The following SRSF1 variants were observed in gnomAD, a reference collection of about 807,000 sequenced individuals.
SRSF1 encodes the protein serine and arginine rich splicing factor 1.
SRSF1 carries 1 observed loss-of-function variant against 25.9 expected under a neutral mutation model. That is an observed-to-expected ratio of 0.04 (90% confidence interval 0.01 to 0.18). The LOEUF is 0.18. SRSF1 is among the 10% of genes least tolerant of loss of function. The pLI is 1.00. For synonymous variants in SRSF1, 132 were observed against 126.2 expected, an observed-to-expected ratio of 1.05 and a Z score of -0.31; for missense variants, 65 against 350.5, an observed-to-expected ratio of 0.19 and a Z score of 6.50.
chr17:57,991,005 G>C, the SRSF1 span: 48 of 152,282 alleles, frequency 3.2e-4, no homozygotes, highest in African/African-American at 1.1e-3. Flanking sequence ...ATATATAACA[G>C]ATGTGAAATA....
chr17:57,989,397 C>A, the SRSF1 span: 3 of 397,952 alleles, frequency 7.5e-6, no homozygotes, highest in Non-Finnish European at 8.8e-6. Context: ...AGAAAAAATT[C>A]TTCAGATGGA....
downstream of SRSF1, among the ~76,000 whole-genome samples, chr17:57,998,242 T>C (rs1226136357): frequency 6.6e-6 from 1 of 152,094 alleles, no homozygotes; most frequent in Non-Finnish European, 1.5e-5. Flanking sequence ...TGAATGTCAC[T>C]CTTGGTGTTA....
At position 58,003,837 on chromosome 17, in the gene SRSF1, G is replaced by A. The variant is rs560049755; in HGVS notation, c.*1569C>T. On this transcript the variant is annotated 3_prime_UTR_variant, in exon 4 of 4. Transcript: ENST00000258962. The stretch of plus-strand genomic sequence containing the variant: ...TTAAGTTGAATAAAAAAATCCACAC[G>A]AATGCGGTTTGGTTGGGGCAGGAAT... 1 of 152,546 alleles carries A rather than the reference G, an allele frequency of 6.6e-6. No individual in the cohort carries two copies. The highest frequency in any genetic ancestry group is 1.9e-4 in the East Asian group (1 of 5,188). 9.4% of individuals were successfully genotyped at this position (152,546 alleles called of 1,614,324 possible).
the SRSF1 span, chr17:57,989,076 G>A: frequency 2.5e-6 from 1 of 397,042 alleles, no homozygotes. Context: ...AGTACAGTCT[G>A]TTTCCTCCTT....
chr17:57,989,799 A>G, the SRSF1 span: 1 of 398,702 alleles, frequency 2.5e-6, no homozygotes, highest in Non-Finnish European at 4.4e-6. Flanking sequence ...CGGTCAGCCT[A>G]AGATAGGAGG....
chr17:57,990,299 C>CT, the SRSF1 span: 1 of 152,136 alleles, frequency 6.6e-6, no homozygotes, highest in Non-Finnish European at 1.5e-5. Context: ...TACTGAAAAG[C>CT]TAAGATTCAG....
downstream of SRSF1, among the ~76,000 whole-genome samples, chr17:57,996,722 C>G (rs1461152333): frequency 3.3e-5 from 5 of 152,074 alleles, no homozygotes; most frequent in African/African-American, 1.2e-4. Flanking sequence ...AATGGGGCTG[C>G]TTATGGGATT....
At chr17:57,989,831 T>C in the SRSF1 span, 5 of 398,362 alleles carry the variant, frequency 1.3e-5, no homozygotes, top group Non-Finnish European at 2.2e-5. Flanking sequence ...GATGAAAGAG[T>C]TTCTGATACA....
the SRSF1 span, chr17:57,989,334 A>G: frequency 2.5e-6 from 1 of 398,662 alleles, no homozygotes; most frequent in East Asian, 3.6e-5. Flanking sequence ...CTCCTGTGGC[A>G]GGGAAATGAG....
rs568074495 is a variant in SRSF1, at chr17:58,001,173, G to C, written c.*4233C>G. ...ATTACAAAATTCATATACAAAGTAAGCAAAAAGGCACACATAAGAAATCCA... is the reference window on the plus strand; with the variant it reads ...ATTACAAAATTCATATACAAAGTAACCAAAAAGGCACACATAAGAAATCCA... On this transcript the variant is annotated 3_prime_UTR_variant, in exon 4 of 4. Coordinates refer to ENST00000258962, the MANE Select transcript of SRSF1 (RefSeq NM_006924.5). Among the ~76,000 whole-genome samples, 88 of 151,942 alleles carry C rather than the reference G, an allele frequency of 5.8e-4. 4 individuals are homozygous for C. In the South Asian group the frequency reaches 0.017, roughly 30 times the overall value.
At chr17:57,995,583 A>G in the SRSF1 span, among the ~76,000 whole-genome samples, 1 of 152,242 alleles carries the variant, frequency 6.6e-6, no homozygotes, top group Non-Finnish European at 1.5e-5. Flanking sequence ...ACACAGGGTA[A>G]GAACATGGAT....
the SRSF1 span, among the ~76,000 whole-genome samples, chr17:57,995,750 G>C: frequency 1.3e-5 from 2 of 152,210 alleles, no homozygotes; most frequent in African/African-American, 4.8e-5. Context: ...CTCACCACAA[G>C]ATCTGGATTC....
chr17:58,002,124 CATA>C lies in SRSF1; in HGVS notation c.*3279_*3281del, dbSNP rs1408987049. Reference sequence around the variant, plus strand: ...TGATGAATTTTTAAAATGTTCTACACATAAAACTTCTTAGAATTTCAAGAATGT... The same window carrying C: ...TGATGAATTTTTAAAATGTTCTACACAAACTTCTTAGAATTTCAAGAATGT... On this transcript the variant is annotated 3_prime_UTR_variant, in exon 4 of 4. Coordinates refer to ENST00000258962, the MANE Select transcript of SRSF1 (RefSeq NM_006924.5). Among the ~76,000 whole-genome samples the C allele has an allele frequency of 6.6e-6, 1 of 152,160 alleles. No homozygotes were observed. Among genetic ancestry groups the C allele is most frequent in the Admixed American group, 6.5e-5 (1 of 15,282 alleles).
At chr17:57,994,240 A>G in the SRSF1 span, 5 of 152,372 alleles carry the variant, frequency 3.3e-5, no homozygotes, top group African/African-American at 1.2e-4. Flanking sequence ...CCTCCTACAT[A>G]GCACATCTAG....
rs540638553 is a variant in SRSF1 at position 58,002,469 on chromosome 17, G to A, written c.*2937C>T. Among the ~76,000 whole-genome samples, 12 of 152,236 alleles carry A rather than the reference G, an allele frequency of 7.9e-5. No individual in the cohort carries two copies. Among genetic ancestry groups the A allele is most frequent in the African/African-American group, 2.9e-4 (12 of 41,536 alleles). ...GAAATGTTAAAGTCTATTTATTTTA[G>A]GTCCCCTCCCCCAACCTAAATAGTA... On this transcript the variant is annotated 3_prime_UTR_variant, in exon 4 of 4. Coordinates refer to ENST00000258962, the MANE Select transcript of SRSF1 (RefSeq NM_006924.5).
chr17:57,996,491 A>AAAAAAAC (rs1555574738), downstream of SRSF1, among the ~76,000 whole-genome samples: 2 of 150,718 alleles, frequency 1.3e-5, no homozygotes, highest in Admixed American at 6.6e-5. Flanking sequence ...CTTAAAAAAA[A>AAAAAAAC]AAAAAAAAAA....
Position 58,007,099 on chromosome 17 carries a change from G to A in SRSF1, c.39C>T (p.Asn13=), listed in dbSNP as rs2075435355. 1 of 1,614,206 alleles carries A rather than the reference G, an allele frequency of 6.2e-7. No individual in the cohort carries two copies. The highest frequency in any genetic ancestry group is 8.5e-7 in the Non-Finnish European group (1 of 1,180,050). The part of the protein sequence containing the change: ...GGGVIRGPAG[N]NDCRIYVGNL... ...TACCCACGTAGATGCGGCAATCGTT[G>A]TTCCCTGCGGGGCCACGAATCACAC... is the stretch of plus-strand genomic sequence containing the variant. The change falls in exon 1 of 4, where the codon AAC becomes AAT. Residue 13 remains asparagine (N), a synonymous_variant. Coordinates refer to ENST00000258962, the MANE Select transcript of SRSF1 (RefSeq NM_006924.5).
At chr17:57,995,929 G>A (rs139207391), downstream of SRSF1, among the ~76,000 whole-genome samples, 14 of 152,204 alleles carry the variant, frequency 9.2e-5, no homozygotes, top group East Asian at 2.7e-3. Flanking sequence ...GCCTGCTTAA[G>A]CCCAGGAGTT....
the SRSF1 span, chr17:57,993,511 G>C: frequency 3.3e-5 from 5 of 152,192 alleles, no homozygotes; most frequent in African/African-American, 4.8e-5. Context: ...GCTGTACTCA[G>C]CATCTACTCT....
Sources: gnomAD v4.1 joint callset for allele counts (sites outside exome capture counted in the v4.1 genomes callset) on GRCh38, gnomAD v4.1.1 for gene constraint, MANE v1.5 for transcripts, NCBI Gene and HGNC (gene_info 2026-07-23, HGNC 2026-07-21) for gene names.